NT5DC3: variants seen among roughly 807,000 people sequenced by gnomAD.
NT5DC3 encodes the protein 5'-nucleotidase domain-containing protein 3.
NT5DC3 carries 42 observed loss-of-function variants against 67.8 expected under a neutral mutation model. The observed-to-expected ratio is 0.62, with a 90% CI of 0.48 to 0.80. NT5DC3 has a LOEUF of 0.80. NT5DC3 is among the 30% of genes least tolerant of loss of function. The probability of loss-of-function intolerance (pLI) is 0.00; values close to 1 mark genes in which losing one functional copy is unlikely to be tolerated. For missense variants in NT5DC3, 570 were observed against 696.4 expected, an observed-to-expected ratio of 0.82 and a Z score of 2.04; for synonymous variants, 237 against 255.6, an observed-to-expected ratio of 0.93 and a Z score of 0.69.
At chr12:103,770,960 C>T (rs1885168384), downstream of NT5DC3, 1 of 152,290 alleles carries the variant, frequency 6.6e-6, no homozygotes, top group South Asian at 2.1e-4. Flanking sequence ...GTAGAAGTCA[C>T]CATCTGTGAA....
intron 1 of NT5DC3, among the ~76,000 whole-genome samples, chr12:103,835,048 A>C (rs974834164): frequency 3.9e-5 from 6 of 152,200 alleles, no homozygotes; most frequent in Non-Finnish European, 5.9e-5. Context: ...GCCTCCCCTG[A>C]GGTAGAATGT....
At chr12:103,818,922 C>T (rs1365605307) in intron 1 of NT5DC3, among the ~76,000 whole-genome samples, 5 of 152,142 alleles carry the variant, frequency 3.3e-5, no homozygotes, top group Admixed American at 2.0e-4. Flanking sequence ...GAAGGGGAAT[C>T]GCTTACAGAA....
At chr12:103,751,422 A>G in the NT5DC3 span, among the ~76,000 whole-genome samples, 1 of 152,202 alleles carries the variant, frequency 6.6e-6, no homozygotes, top group Admixed American at 6.5e-5. Flanking sequence ...CACAGAATAG[A>G]GAAAAGGAAA....
intron 1 of NT5DC3, among the ~76,000 whole-genome samples, chr12:103,839,599 TA>T (rs150442347): frequency 1.3e-5 from 2 of 149,566 alleles, no homozygotes; most frequent in South Asian, 2.1e-4. Context: ...AATTACAAGT[TA>T]AAAAAAAAAC....
chr12:103,780,477 T>C, intron 12 of NT5DC3, 113 bp from the exon 13 acceptor site: 1 of 890,032 alleles, frequency 1.1e-6, no homozygotes, highest in South Asian at 1.4e-5. Context: ...CCCTTACATC[T>C]CAGAGGCTGG....
chr12:103,807,383 T>C (rs774398293), intron 2 of NT5DC3, among the ~76,000 whole-genome samples: 2 of 152,204 alleles, frequency 1.3e-5, no homozygotes, highest in Non-Finnish European at 2.9e-5. Flanking sequence ...TTGTCAACCA[T>C]CCATTCAACT....
At chr12:103,801,372 C>CCTTTTTTTTTTTTTTTTT (rs1886567309) in intron 4 of NT5DC3, among the ~76,000 whole-genome samples, 2 of 78,946 alleles carry the variant, frequency 2.5e-5, no homozygotes, top group African/African-American at 1.1e-4. Context: ...TTGGGGTGGG[C>CCTTTTTTTTTTTTTTTTT]TTTTTTTTTT....
intron 9 of NT5DC3, 161 bp from the exon 10 acceptor site, chr12:103,789,080 C>T (rs539975918): frequency 2.7e-5 from 16 of 601,324 alleles, no homozygotes; most frequent in East Asian, 2.2e-4. Context: ...TAATTCAATG[C>T]GTCCCAAATT....
In NT5DC3 at chr12:103,794,944, G is replaced by A. The variant is rs534261138; in HGVS notation, c.754-947C>T. Among the ~76,000 whole-genome samples, 4 of 152,312 alleles carry A rather than the reference G, an allele frequency of 2.6e-5. No homozygotes were observed. In the South Asian group the frequency reaches 8.3e-4, roughly 32 times the overall value. ...GTGACACTGCACAGGGCCTCTACGT[G>A]GTGACATTCCTAGAGGCCTATGGAA... On this transcript the variant is annotated intron_variant, in intron 6 of 13. Coordinates refer to ENST00000392876, the MANE Select transcript of NT5DC3 (RefSeq NM_001031701.3).
chr12:103,759,193 G>C, the NT5DC3 span: 1 of 1,614,122 alleles, frequency 6.2e-7, no homozygotes, highest in Non-Finnish European at 8.5e-7. Context: ...TTTCTACAAT[G>C]ACCTTGTCAA....
At chr12:103,824,148 CTAA>C (rs1196816843) in intron 1 of NT5DC3, among the ~76,000 whole-genome samples, 4 of 152,184 alleles carry the variant, frequency 2.6e-5, no homozygotes, top group African/African-American at 9.6e-5. Flanking sequence ...ATCCTTTCTG[CTAA>C]TAATTCATTA....
chr12:103,766,787 C>T (rs1884994479), downstream of NT5DC3: 1 of 157,448 alleles, frequency 6.4e-6, no homozygotes, highest in Admixed American at 6.0e-5. Flanking sequence ...AGGCAAAATC[C>T]ACTTCCTGGG....
At chr12:103,834,662 T>A (rs1888069961) in intron 1 of NT5DC3, among the ~76,000 whole-genome samples, 1 of 152,214 alleles carries the variant, frequency 6.6e-6, no homozygotes, top group South Asian at 2.1e-4. Flanking sequence ...GTCATTTTTC[T>A]GTAAATCTAA....
intron 12 of NT5DC3, among the ~76,000 whole-genome samples, chr12:103,781,991 C>T (rs114840117): frequency 1.1e-3 from 164 of 152,320 alleles, no homozygotes; most frequent in African/African-American, 3.8e-3. Flanking sequence ...GTCCAGCCAC[C>T]GGCCCATTTT....
At chr12:103,778,110 CAG>C (rs1566096664) in intron 13 of NT5DC3, 29 bp from the exon 14 acceptor site, 10 of 1,554,648 alleles carry the variant, frequency 6.4e-6, no homozygotes, top group Non-Finnish European at 7.8e-6. Context: ...AGCAAAGCAA[CAG>C]AGAATGATTC....
At chr12:103,833,604 C>T (rs1223109176) in intron 1 of NT5DC3, among the ~76,000 whole-genome samples, 1 of 151,720 alleles carries the variant, frequency 6.6e-6, no homozygotes, top group Admixed American at 6.6e-5. Context: ...CTTTCAACAC[C>T]CTATAAAAGC....
intron 1 of NT5DC3, among the ~76,000 whole-genome samples, chr12:103,827,107 T>C (rs1321500596): frequency 6.6e-6 from 1 of 152,036 alleles, no homozygotes; most frequent in African/African-American, 2.4e-5. Context: ...TAGCTGGGTG[T>C]GGTAGAACAC....
chr12:103,755,543 C>A, the NT5DC3 span: 1 of 1,608,834 alleles, frequency 6.2e-7, no homozygotes. Context: ...AGTCACTCCC[C>A]AAGCAGAAGC....
chr12:103,840,882 G>A, intron 1 of NT5DC3, 67 bp downstream of exon 1: 2 of 974,354 alleles, frequency 2.1e-6, no homozygotes, highest in South Asian at 2.9e-5. Context: ...GTCCTAGGGC[G>A]CCCGCTTCCC....
Sources: gnomAD v4.1 joint callset for allele counts (sites outside exome capture counted in the v4.1 genomes callset) on GRCh38, gnomAD v4.1.1 for gene constraint, MANE v1.5 for transcripts, NCBI Gene and HGNC (gene_info 2026-07-23, HGNC 2026-07-21) for gene names.